The following NKAIN3 variants were observed in gnomAD, a reference collection of about 807,000 sequenced individuals.
The protein encoded by NKAIN3 is sodium/potassium-transporting ATPase subunit beta-1-interacting protein 3.
A neutral mutation model predicts 30.2 loss-of-function variants in NKAIN3; 25 were observed. That is an observed-to-expected ratio of 0.83 (90% CI 0.60 to 1.16). The LOEUF (loss-of-function observed/expected upper bound fraction) is 1.16, where lower values mean the gene tolerates loss of function less well. Ranked by LOEUF, NKAIN3 falls within the 50% of genes most tolerant of loss-of-function variation. NKAIN3 has a pLI of 0.00. For synonymous variants in NKAIN3, 91 were observed against 89.6 expected (o/e 1.02, Z -0.09); for missense variants, 225 against 254.1 (o/e 0.89, Z 0.78).
At chr8:62,739,974 C>A (rs987899372) in intron 3 of NKAIN3, among the ~76,000 whole-genome samples, 4 of 152,062 alleles carry the variant, frequency 2.6e-5, no homozygotes, top group African/African-American at 9.7e-5. Context: ...ACGTAAATAC[C>A]TTTTAAGCCT....
At chr8:62,988,778 C>G (rs1231445725), downstream of NKAIN3, among the ~76,000 whole-genome samples, 1 of 152,244 alleles carries the variant, frequency 6.6e-6, no homozygotes, top group Non-Finnish European at 1.5e-5. Context: ...AGCATTTCAG[C>G]TCCTCATTAC....
chr8:62,267,254 C>T (rs1443265796), intron 1 of NKAIN3, among the ~76,000 whole-genome samples: 1 of 152,186 alleles, frequency 6.6e-6, no homozygotes, highest in African/African-American at 2.4e-5. Context: ...AGATATGATT[C>T]AGAATTGAAG....
chr8:62,582,432 G>A (rs929268983), intron 2 of NKAIN3, among the ~76,000 whole-genome samples: 5 of 152,110 alleles, frequency 3.3e-5, no homozygotes, highest in South Asian at 2.1e-4. Flanking sequence ...TAAGTGATAC[G>A]AAGGAGCACA....
chr8:62,789,882 T>C (rs190996455), intron 4 of NKAIN3, among the ~76,000 whole-genome samples: 11 of 152,090 alleles, frequency 7.2e-5, no homozygotes, highest in African/African-American at 2.4e-4. Flanking sequence ...CTACCAGAGG[T>C]ATAAGGAGGA....
chr8:62,273,262 C>G (rs2129393517), intron 1 of NKAIN3, among the ~76,000 whole-genome samples: 1 of 152,252 alleles, frequency 6.6e-6, no homozygotes, highest in Admixed American at 6.5e-5. Flanking sequence ...CTGAGAACCT[C>G]TTGAATTCTA....
At chr8:62,640,732 G>T (rs1812281938) in intron 3 of NKAIN3, among the ~76,000 whole-genome samples, 1 of 152,014 alleles carries the variant, frequency 6.6e-6, no homozygotes. Flanking sequence ...TATCACTAAA[G>T]GTATCCGTGG....
intron 1 of NKAIN3, among the ~76,000 whole-genome samples, chr8:62,488,749 A>G (rs1216647147): frequency 6.6e-6 from 1 of 152,122 alleles, no homozygotes; most frequent in Non-Finnish European, 1.5e-5. Context: ...AATAAACCAT[A>G]TTTTATTGTG....
At chr8:62,528,772 C>T (rs547289188) in intron 1 of NKAIN3, among the ~76,000 whole-genome samples, 169 of 152,210 alleles carry the variant, frequency 1.1e-3, no homozygotes, top group Non-Finnish European at 2.1e-3. Context: ...GCCGGTATGA[C>T]GTGGTTTTCT....
At chr8:62,620,240 A>T (rs1811581904) in intron 3 of NKAIN3, among the ~76,000 whole-genome samples, 1 of 152,068 alleles carries the variant, frequency 6.6e-6, no homozygotes, top group South Asian at 2.1e-4. Flanking sequence ...AGATGTAAGG[A>T]TGCTTCTTTC....
chr8:62,309,950 C>A (rs947904808), intron 1 of NKAIN3, among the ~76,000 whole-genome samples: 9 of 150,360 alleles, frequency 6.0e-5, no homozygotes, highest in Admixed American at 4.6e-4. Flanking sequence ...ATCTCACATT[C>A]ATCCTCAACT....
intron 1 of NKAIN3, among the ~76,000 whole-genome samples, chr8:62,544,199 C>T (rs1374586439): frequency 1.3e-5 from 2 of 152,020 alleles, no homozygotes; most frequent in African/African-American, 2.4e-5. Flanking sequence ...GACATAGTCT[C>T]ACCATGTTGC....
At position 62,251,839 on chromosome 8, in the gene NKAIN3, G is replaced by A. The variant is rs527497301; in HGVS notation, c.54+2712G>A. ...CAAGTATACTTTATATAGCATTTCC[G>A]TCATATACATAAGATAGGCCTAACC... On this transcript the variant is annotated intron_variant, in intron 1 of 6. Coordinates refer to ENST00000623646, the MANE Select transcript of NKAIN3 (RefSeq NM_001304533.3). Among the ~76,000 whole-genome samples, 6 of 152,116 alleles carry A rather than the reference G, an allele frequency of 3.9e-5. No homozygotes were observed. In the South Asian group the frequency reaches 8.3e-4, roughly 21 times the overall value.
chr8:62,640,233 T>A (rs1187383776), intron 3 of NKAIN3, among the ~76,000 whole-genome samples: 2 of 152,078 alleles, frequency 1.3e-5, no homozygotes, highest in African/African-American at 4.8e-5. Flanking sequence ...TCCCCACATG[T>A]CAAGGAAGAG....
chr8:62,329,733 T>C (rs1160648963), intron 1 of NKAIN3, among the ~76,000 whole-genome samples: 2 of 152,128 alleles, frequency 1.3e-5, no homozygotes, highest in African/African-American at 4.8e-5. Context: ...CTTTATCTAG[T>C]CCACTGTTGA....
chr8:62,337,196 A>G (rs920722962), intron 1 of NKAIN3, among the ~76,000 whole-genome samples: 2 of 152,022 alleles, frequency 1.3e-5, no homozygotes, highest in East Asian at 3.9e-4. Flanking sequence ...GAAATGCACA[A>G]CATATCATTT....
At chr8:62,470,502 G>A (rs1806295300) in intron 1 of NKAIN3, among the ~76,000 whole-genome samples, 1 of 152,020 alleles carries the variant, frequency 6.6e-6, no homozygotes, top group Non-Finnish European at 1.5e-5. Context: ...TTAATTTAAT[G>A]TCTAAATCCT....
intron 1 of NKAIN3, among the ~76,000 whole-genome samples, chr8:62,282,512 C>A (rs1225871884): frequency 2.0e-5 from 3 of 152,130 alleles, no homozygotes; most frequent in Admixed American, 1.3e-4. Flanking sequence ...ACTGTGTTTT[C>A]CCCTTATTCA....
intron 1 of NKAIN3, among the ~76,000 whole-genome samples, chr8:62,252,975 A>G (rs984484009): frequency 3.3e-5 from 5 of 152,166 alleles, no homozygotes; most frequent in African/African-American, 1.2e-4. Context: ...GAAGCACTGA[A>G]CTAATTTTGG....
At chr8:62,390,397 T>TATTCCATGC (rs1236757029) in intron 1 of NKAIN3, among the ~76,000 whole-genome samples, 2 of 152,236 alleles carry the variant, frequency 1.3e-5, no homozygotes, top group Admixed American at 6.5e-5. Flanking sequence ...TTGGGCTGCA[T>TATTCCATGC]AGTATTCCAT....
Sources: allele counts gnomAD v4.1 joint callset (sites outside exome capture counted in the v4.1 genomes callset), GRCh38; gene constraint gnomAD v4.1.1; transcripts MANE v1.5; gene names NCBI Gene and HGNC (gene_info 2026-07-23, HGNC 2026-07-21).